Variants in MAN1A1 observed in about 807,000 individuals in gnomAD.
The protein encoded by MAN1A1 is mannosyl-oligosaccharide 1,2-alpha-mannosidase IA.
A neutral mutation model predicts 70.8 loss-of-function variants in MAN1A1; 29 were observed. The ratio of observed to expected loss-of-function variants is 0.41; its 90% CI spans 0.31 to 0.56. MAN1A1 has a LOEUF of 0.56. MAN1A1 is among the 20% of genes least tolerant of loss of function. The probability of loss-of-function intolerance (pLI) is 0.29; values close to 1 mark genes in which losing one functional copy is unlikely to be tolerated. For missense variants in MAN1A1, 747 were observed against 841.3 expected, an observed-to-expected ratio of 0.89 and a Z score of 1.39; for synonymous variants, 349 against 330.1, an observed-to-expected ratio of 1.06 and a Z score of -0.62.
At chr6:119,329,233 G>C (rs1773238238) in intron 2 of MAN1A1, among the ~76,000 whole-genome samples, 1 of 152,182 alleles carries the variant, frequency 6.6e-6, no homozygotes, top group Non-Finnish European at 1.5e-5. Flanking sequence ...AAGTCTATTA[G>C]TGTTTAAACT....
chr6:119,223,214 A>T (rs1774414444), intron 6 of MAN1A1, among the ~76,000 whole-genome samples: 1 of 152,190 alleles, frequency 6.6e-6, no homozygotes, highest in African/African-American at 2.4e-5. Context: ...TAAACTAAAT[A>T]AACTAAAGCT....
intron 6 of MAN1A1, among the ~76,000 whole-genome samples, chr6:119,239,775 G>A (rs1296925840): frequency 6.6e-6 from 1 of 152,086 alleles, no homozygotes; most frequent in African/African-American, 2.4e-5. Context: ...AAAAACCTGG[G>A]GAATTCAATT....
chr6:119,327,067 A>C (rs527672529), intron 2 of MAN1A1, among the ~76,000 whole-genome samples: 1 of 152,270 alleles, frequency 6.6e-6, no homozygotes, highest in African/African-American at 2.4e-5. Flanking sequence ...TGGCAAAGGG[A>C]GTTGGCAGGT....
chr6:119,313,963 C>T (rs893407087), intron 2 of MAN1A1, among the ~76,000 whole-genome samples: 2 of 151,850 alleles, frequency 1.3e-5, no homozygotes, highest in African/African-American at 4.8e-5. Context: ...CAAAACTACG[C>T]TGGCTAAGGG....
At chr6:119,255,065 G>T (rs1165042397) in intron 5 of MAN1A1, among the ~76,000 whole-genome samples, 1 of 152,112 alleles carries the variant, frequency 6.6e-6, no homozygotes, top group Non-Finnish European at 1.5e-5. Context: ...ATCAGACAAG[G>T]CTGTAAACAA....
intron 5 of MAN1A1, among the ~76,000 whole-genome samples, chr6:119,285,862 G>A (rs983753974): frequency 6.6e-6 from 1 of 152,062 alleles, no homozygotes; most frequent in African/African-American, 2.4e-5. Context: ...TTCAATATAA[G>A]CAATATATGT....
intron 8 of MAN1A1, among the ~76,000 whole-genome samples, chr6:119,194,797 C>T (rs2064158): frequency 1.2e-4 from 2 of 17,280 alleles, no homozygotes; most frequent in African/African-American, 1.6e-4. Flanking sequence ...CACGTATTAT[C>T]AACAATCTCA....
intron 8 of MAN1A1, among the ~76,000 whole-genome samples, chr6:119,198,457 G>A (rs548548694): frequency 6.6e-6 from 1 of 152,066 alleles, no homozygotes; most frequent in Non-Finnish European, 1.5e-5. Context: ...TCAAACTGTT[G>A]AGTCTCAGCA....
At chr6:119,250,644 CTCTCTG>C (rs1355726614) in intron 5 of MAN1A1, among the ~76,000 whole-genome samples, 1 of 89,598 alleles carries the variant, frequency 1.1e-5, no homozygotes, top group South Asian at 4.6e-4. Flanking sequence ...CTCTTGTTCT[CTCTCTG>C]TGTGTGTGTG....
At chr6:119,292,088 A>G (rs545731050) in intron 4 of MAN1A1, among the ~76,000 whole-genome samples, 5 of 152,164 alleles carry the variant, frequency 3.3e-5, no homozygotes, top group South Asian at 4.1e-4. Flanking sequence ...TGACTTCTAT[A>G]TACCTCACAG....
intron 2 of MAN1A1, among the ~76,000 whole-genome samples, chr6:119,320,118 C>T (rs1278158087): frequency 2.0e-5 from 3 of 152,046 alleles, no homozygotes; most frequent in Non-Finnish European, 2.9e-5. Context: ...GGACTACAGG[C>T]GCTCACCACC....
intron 2 of MAN1A1, among the ~76,000 whole-genome samples, chr6:119,336,507 T>C (rs1177762978): frequency 6.6e-6 from 1 of 152,202 alleles, no homozygotes; most frequent in African/African-American, 2.4e-5. Flanking sequence ...ATATTAATAG[T>C]CATCTGTAGA....
At chr6:119,293,277 T>C (rs2038770) in intron 4 of MAN1A1, among the ~76,000 whole-genome samples, 1,824 of 152,222 alleles carry the variant, frequency 0.012, 17 homozygotes, top group Non-Finnish European at 0.019. Context: ...AACTGTTGGA[T>C]GCAGTTATTC....
intron 5 of MAN1A1, among the ~76,000 whole-genome samples, chr6:119,286,128 T>G (rs962016732): frequency 6.6e-6 from 1 of 152,140 alleles, no homozygotes; most frequent in Non-Finnish European, 1.5e-5. Context: ...CACTCTGATT[T>G]TTTTGCAGAA....
chr6:119,328,652 A>T (rs1246239591), intron 2 of MAN1A1, among the ~76,000 whole-genome samples: 2 of 152,242 alleles, frequency 1.3e-5, no homozygotes, highest in East Asian at 3.8e-4. Flanking sequence ...ATTTCAAAAG[A>T]TAAGACCTGA....
intron 4 of MAN1A1, among the ~76,000 whole-genome samples, chr6:119,298,950 G>C (rs1411551301): frequency 6.6e-6 from 1 of 151,774 alleles, no homozygotes; most frequent in Non-Finnish European, 1.5e-5. Flanking sequence ...TCAGGAAAAA[G>C]TGTTAACTAA....
chr6:119,222,534 C>T (rs1774394068), intron 6 of MAN1A1, among the ~76,000 whole-genome samples: 1 of 151,830 alleles, frequency 6.6e-6, no homozygotes, highest in Non-Finnish European at 1.5e-5. Flanking sequence ...GCTATGTTGC[C>T]CAGGCTGGTC....
chr6:119,179,795 C>G lies in MAN1A1; in HGVS notation c.*24G>C, dbSNP rs531514374. On this transcript the variant is annotated 3_prime_UTR_variant, in exon 13 of 13. Transcript: ENST00000368468. ...AAGGTATACAGTGAAGGGAATGGAGCAGAATAAAATATAAAATGTCTTTTT... is the reference window on the plus strand; with the variant it reads ...AAGGTATACAGTGAAGGGAATGGAGGAGAATAAAATATAAAATGTCTTTTT... 1.3e-5 allele frequency: 21 copies of G among 1,600,014 alleles called. No homozygotes were observed. The South Asian group carries it at 2.3e-4, about 18-fold the overall frequency.
At chr6:119,336,309 A>G (rs1773449138) in intron 2 of MAN1A1, among the ~76,000 whole-genome samples, 2 of 152,090 alleles carry the variant, frequency 1.3e-5, no homozygotes, top group Admixed American at 1.3e-4. Context: ...GCCTCAAGTG[A>G]TCCTCCCTTC....
Sources: allele counts gnomAD v4.1 joint callset (sites outside exome capture counted in the v4.1 genomes callset), GRCh38; gene constraint gnomAD v4.1.1; transcripts MANE v1.5; gene names NCBI Gene and HGNC (gene_info 2026-07-23, HGNC 2026-07-21).